PCDHGA8: variants seen among roughly 807,000 people sequenced by gnomAD.
PCDHGA8 encodes the protein protocadherin gamma-A8.
A neutral mutation model predicts 59.2 loss-of-function variants in PCDHGA8; 45 were observed. That is an observed-to-expected ratio of 0.76 (90% CI 0.60 to 0.98). The LOEUF is 0.98. Ranked by LOEUF, PCDHGA8 falls within the 50% of genes least tolerant of loss-of-function variation. The pLI is 0.00. For synonymous variants in PCDHGA8, 531 were observed against 519.0 expected (o/e 1.02, Z -0.32); for missense variants, 1,257 against 1,196.2 (o/e 1.05, Z -0.75).
intron 1 of PCDHGA8, among the ~76,000 whole-genome samples, chr5:141,472,178 A>G (rs1337942457): frequency 6.6e-6 from 1 of 152,210 alleles, no homozygotes; most frequent in African/African-American, 2.4e-5. Flanking sequence ...AATATCCAGT[A>G]TTGGAATTTG....
intron 1 of PCDHGA8, chr5:141,407,937 C>G: frequency 2.0e-6 from 1 of 511,428 alleles, no homozygotes; most frequent in Non-Finnish European, 3.3e-6. Context: ...AGCCTCTGGG[C>G]GCCGCTGTCG....
In PCDHGA8 at chr5:141,432,373, G is replaced by T; in HGVS notation, c.2424+37136G>T. ...TGAAAGTGATGGCGCGGGACAACGG[G>T]CACCCGCCCCTCAGCAGCAACGTGT... is the stretch of plus-strand genomic sequence containing the variant. On this transcript the variant is annotated intron_variant, in intron 1 of 3. Coordinates refer to ENST00000398604, the MANE Select transcript of PCDHGA8 (RefSeq NM_032088.2). This position sits in a 1 kb window ranked among gnomAD's most constrained non-coding sequence, Gnocchi z 6.0. The T allele has an allele frequency of 6.2e-7, 1 of 1,614,206 alleles. No homozygotes were observed. The highest frequency in any genetic ancestry group is 1.1e-5 in the South Asian group (1 of 91,082).
intron 1 of PCDHGA8, chr5:141,415,272 A>G (rs771588742): frequency 1.3e-5 from 21 of 1,614,208 alleles, no homozygotes; most frequent in African/African-American, 9.3e-5. Context: ...ACCTGGTGGT[A>G]GCGGTGGCCG....
At chr5:141,466,871 T>G (rs1432611218) in intron 1 of PCDHGA8, among the ~76,000 whole-genome samples, 1 of 152,166 alleles carries the variant, frequency 6.6e-6, no homozygotes, top group Admixed American at 6.5e-5. Flanking sequence ...ATCCACACAT[T>G]TTTTTCATAA....
At chr5:141,418,373 C>T (rs936895178) in intron 1 of PCDHGA8, 1 of 1,614,006 alleles carries the variant, frequency 6.2e-7, no homozygotes, top group Non-Finnish European at 8.5e-7. Context: ...CAAATACCAA[C>T]TAAGTCCTAA....
chr5:141,503,077 TCTC>T (rs1212079220), intron 2 of PCDHGA8, among the ~76,000 whole-genome samples: 1 of 151,810 alleles, frequency 6.6e-6, no homozygotes, highest in African/African-American at 2.4e-5. Flanking sequence ...ATGGTCTCGA[TCTC>T]CTGACCTCGT....
intron 1 of PCDHGA8, chr5:141,427,790 C>A: frequency 1.3e-6 from 2 of 1,482,222 alleles, no homozygotes; most frequent in Non-Finnish European, 1.9e-6. Context: ...TGTCGTCCTA[C>A]GTGTCCGTGA....
In PCDHGA8 at chr5:141,491,419, G is replaced by A. The variant is rs1422517367; in HGVS notation, c.2425-3388G>A. On this transcript the variant is annotated intron_variant, in intron 1 of 3. Coordinates refer to ENST00000398604, the MANE Select transcript of PCDHGA8 (RefSeq NM_032088.2). This position sits in a 1 kb window ranked among gnomAD's most constrained non-coding sequence, Gnocchi z 6.9. ...GGGAAACGCAGACGGGGACGGGGGT[G>A]GAGGGCAGTGCTGCAGGCGCCAGGA... 1 of 1,614,124 alleles carries A rather than the reference G, an allele frequency of 6.2e-7. No individual in the cohort carries two copies.
chr5:141,494,792 C>A lies in PCDHGA8; in HGVS notation c.2425-15C>A. The A allele has an allele frequency of 6.2e-7, 1 of 1,614,132 alleles. No individual in the cohort carries two copies. Among genetic ancestry groups the A allele is most frequent in the East Asian group, 2.2e-5 (1 of 44,878 alleles). Reference sequence around the variant, plus strand: ...TCACGGGTACTCAGCCCCTTTCCCTCTGTTTTCTCCACAGCAAGCCCCGCC... The same window carrying A: ...TCACGGGTACTCAGCCCCTTTCCCTATGTTTTCTCCACAGCAAGCCCCGCC... On this transcript the variant is annotated splice_polypyrimidine_tract_variant and intron_variant, in intron 1 of 3. Transcript: ENST00000398604.
At chr5:141,458,403 C>T (rs1057108239) in intron 1 of PCDHGA8, among the ~76,000 whole-genome samples, 6 of 152,136 alleles carry the variant, frequency 3.9e-5, no homozygotes, top group African/African-American at 1.2e-4. Context: ...CTTGCAGAGA[C>T]GGAGCGGGGG....
chr5:141,474,710 A>T (rs535069070), intron 1 of PCDHGA8, among the ~76,000 whole-genome samples: 31 of 152,330 alleles, frequency 2.0e-4, no homozygotes, highest in African/African-American at 6.3e-4. Context: ...GTTCTATTAT[A>T]CTTCAAAAGG....
At chr5:141,422,980 C>T in intron 1 of PCDHGA8, 1 of 1,614,232 alleles carries the variant, frequency 6.2e-7, no homozygotes, top group Middle Eastern at 1.7e-4. Flanking sequence ...CTCTGCGGAA[C>T]CTGGCTACCT....
chr5:141,485,383 G>C lies in PCDHGA8; in HGVS notation c.2425-9424G>C. 6.2e-7 allele frequency: 1 copy of C among 1,614,128 alleles called. No individual in the cohort carries two copies. Among genetic ancestry groups the C allele is most frequent in the Non-Finnish European group, 8.5e-7 (1 of 1,180,020 alleles). On this transcript the variant is annotated intron_variant, in intron 1 of 3. Coordinates refer to ENST00000398604, the MANE Select transcript of PCDHGA8 (RefSeq NM_032088.2). The surrounding 1 kb of genome is among the most constrained non-coding windows in gnomAD (Gnocchi z 5.7). Reference sequence around the variant, plus strand: ...GCAGGCTGCAGGTCGCTGGAGAGGTGAACCAAAGACACTTCCGTGTGGATT... The same window carrying C: ...GCAGGCTGCAGGTCGCTGGAGAGGTCAACCAAAGACACTTCCGTGTGGATT...
At chr5:141,500,789 C>G (rs1006758925) in intron 2 of PCDHGA8, among the ~76,000 whole-genome samples, 2 of 152,142 alleles carry the variant, frequency 1.3e-5, no homozygotes, top group African/African-American at 4.8e-5. Flanking sequence ...TATTATTTTA[C>G]AGAATAAGTC....
At chr5:141,483,737 G>T (rs1052778197) in intron 1 of PCDHGA8, among the ~76,000 whole-genome samples, 1 of 152,102 alleles carries the variant, frequency 6.6e-6, no homozygotes, top group Admixed American at 6.5e-5. Flanking sequence ...TAGTCAAAAG[G>T]ATATTCCTGA....
intron 1 of PCDHGA8, among the ~76,000 whole-genome samples, chr5:141,483,611 A>G (rs2099583566): frequency 6.6e-6 from 1 of 151,952 alleles, no homozygotes; most frequent in South Asian, 2.1e-4. Context: ...TTACACCTCC[A>G]TCATTCCCAT....
intron 1 of PCDHGA8, chr5:141,404,067 A>G (rs540954192): frequency 3.7e-6 from 6 of 1,613,894 alleles, no homozygotes; most frequent in South Asian, 2.2e-5. Context: ...TTCAATGCTC[A>G]TGACCGAGAC....
Position 141,489,900 on chromosome 5 carries a change from A to T in PCDHGA8, c.2425-4907A>T. ...TTACTGCTGTGGATGGGGGGACCCC[A>T]GCCCGCTCAGGGACCACCCTTATCT... On this transcript the variant is annotated intron_variant, in intron 1 of 3. Coordinates refer to ENST00000398604, the MANE Select transcript of PCDHGA8 (RefSeq NM_032088.2). This position sits in a 1 kb window ranked among gnomAD's most constrained non-coding sequence, Gnocchi z 4.5. The T allele has an allele frequency of 6.2e-7, 1 of 1,614,254 alleles. No homozygotes were observed. The highest frequency in any genetic ancestry group is 8.5e-7 in the Non-Finnish European group (1 of 1,180,044).
rs1369956811 is a variant in PCDHGA8, at chr5:141,460,759, A to G, written c.2425-34048A>G. Among the ~76,000 whole-genome samples, 3 of 152,088 alleles carry G rather than the reference A, an allele frequency of 2.0e-5. No individual in the cohort carries two copies. In the East Asian group the frequency reaches 5.8e-4, roughly 29 times the overall value. On this transcript the variant is annotated intron_variant, in intron 1 of 3. Coordinates refer to ENST00000398604, the MANE Select transcript of PCDHGA8 (RefSeq NM_032088.2). ...ATTGTATATATATGTGTACATATAC[A>G]TATTGCATATGTATGTATACATATA...
Sources: gnomAD v4.1 joint callset for allele counts (sites outside exome capture counted in the v4.1 genomes callset) on GRCh38, gnomAD v4.1.1 for gene constraint, Gnocchi (gnomAD v3.1) non-coding constraint, MANE v1.5 for transcripts, NCBI Gene and HGNC (gene_info 2026-07-23, HGNC 2026-07-21) for gene names.